Variants in THSD7A observed in about 807,000 individuals in gnomAD.
THSD7A encodes thrombospondin type-1 domain-containing protein 7A.
A neutral mutation model predicts 231.3 loss-of-function variants in THSD7A; 96 were observed. The ratio of observed to expected loss-of-function variants is 0.41; its 90% CI spans 0.35 to 0.49. The LOEUF (loss-of-function observed/expected upper bound fraction) is 0.49. Ranked by LOEUF, THSD7A falls within the 20% of genes least tolerant of loss-of-function variation. THSD7A has a pLI of 0.05. For missense variants in THSD7A, 2,290 were observed against 2,070.2 expected (o/e 1.11, Z -2.06); for synonymous variants, 940 against 743.3 (o/e 1.26, Z -4.30).
chr7:11,729,399 C>G (rs187411470), intron 1 of THSD7A, among the ~76,000 whole-genome samples: 6 of 151,544 alleles, frequency 4.0e-5, no homozygotes, highest in Non-Finnish European at 8.9e-5. Flanking sequence ...TACACAGCAC[C>G]GCAAATAACA....
chr7:11,513,672 G>C (rs1318157651), intron 6 of THSD7A, among the ~76,000 whole-genome samples: 1 of 152,110 alleles, frequency 6.6e-6, no homozygotes, highest in African/African-American at 2.4e-5. Context: ...GAAATAGAAT[G>C]TTTTCTCTTG....
intron 1 of THSD7A, among the ~76,000 whole-genome samples, chr7:11,663,417 T>G (rs1017750757): frequency 2.6e-5 from 4 of 151,270 alleles, no homozygotes; most frequent in Non-Finnish European, 5.9e-5. Context: ...GGTTAATTCA[T>G]CCAAACATCC....
chr7:11,509,821 CAA>C (rs751048602), intron 6 of THSD7A, among the ~76,000 whole-genome samples: 2 of 39,962 alleles, frequency 5.0e-5, no homozygotes, highest in African/African-American at 7.2e-5. Context: ...GAGTCCGTCT[CAA>C]AAAAAAAAAA....
At chr7:11,565,451 G>T (rs1370386835) in intron 4 of THSD7A, among the ~76,000 whole-genome samples, 2 of 152,210 alleles carry the variant, frequency 1.3e-5, no homozygotes, top group Admixed American at 1.3e-4. Context: ...GTCATGCGAA[G>T]AATTGATTGT....
intron 1 of THSD7A, among the ~76,000 whole-genome samples, chr7:11,798,912 G>T (rs1176732345): frequency 6.8e-6 from 1 of 146,984 alleles, no homozygotes; most frequent in Non-Finnish European, 1.5e-5. Flanking sequence ...TTAAAGTTGA[G>T]AATTTAGTTG....
chr7:11,504,832 C>CTTTTTTTTTTTTTTTTTT (rs11379673), intron 6 of THSD7A, among the ~76,000 whole-genome samples: 1 of 150,112 alleles, frequency 6.7e-6, no homozygotes, highest in Non-Finnish European at 1.5e-5. Context: ...CAACTAACTC[C>CTTTTTTTTTTTTTTTTTT]TTTTTTTTTA....
chr7:11,510,610 C>A (rs1583877080), intron 6 of THSD7A, among the ~76,000 whole-genome samples: 2 of 152,262 alleles, frequency 1.3e-5, no homozygotes, highest in African/African-American at 4.8e-5. Context: ...GGATGCAAGG[C>A]TGGTTCAACA....
At position 11,756,266 on chromosome 7, in the gene THSD7A, G is replaced by T. The variant is rs113882091; in HGVS notation, c.190+75491C>A. On this transcript the variant is annotated intron_variant, in intron 1 of 27. Transcript: ENST00000423059. ...TGAGGAGAGCAACGAGGTAATAAAT[G>T]TTGTGCATACAAAGATGACCAAACA... is the stretch of plus-strand genomic sequence containing the variant. 3.0e-3 allele frequency among the ~76,000 whole-genome samples: 464 copies of T among 152,190 alleles called. 1 individual carries two copies. Among genetic ancestry groups the T allele is most frequent in the African/African-American group, 9.9e-3 (413 of 41,556 alleles).
chr7:11,595,512 C>A (rs562774357), intron 2 of THSD7A, among the ~76,000 whole-genome samples: 31 of 152,152 alleles, frequency 2.0e-4, no homozygotes, highest in Middle Eastern at 3.4e-3. Context: ...AAAAGATGGC[C>A]CATTGTGAGC....
chr7:11,822,813 A>G (rs1427248578), intron 1 of THSD7A, among the ~76,000 whole-genome samples: 1 of 152,006 alleles, frequency 6.6e-6, no homozygotes, highest in East Asian at 1.9e-4. Context: ...ATATTCTCAT[A>G]AACAGTATAT....
chr7:11,658,410 A>G (rs1782789005), intron 1 of THSD7A, among the ~76,000 whole-genome samples: 1 of 151,728 alleles, frequency 6.6e-6, no homozygotes, highest in Admixed American at 6.6e-5. Context: ...GAAGTGATGG[A>G]ATACAAATTA....
chr7:11,747,106 T>C (rs1782333982), intron 1 of THSD7A, among the ~76,000 whole-genome samples: 1 of 152,086 alleles, frequency 6.6e-6, no homozygotes, highest in African/African-American at 2.4e-5. Flanking sequence ...TTACTAGCTT[T>C]CATATTTTAA....
At chr7:11,815,913 T>C (rs534259063) in intron 1 of THSD7A, among the ~76,000 whole-genome samples, 2 of 152,248 alleles carry the variant, frequency 1.3e-5, no homozygotes, top group South Asian at 2.1e-4. Flanking sequence ...CCAAACTTCT[T>C]TCTATCCCTG....
chr7:11,713,965 G>T (rs1453392407), intron 1 of THSD7A, among the ~76,000 whole-genome samples: 4 of 150,918 alleles, frequency 2.7e-5, no homozygotes, highest in Non-Finnish European at 5.9e-5. Context: ...AGAATAGAAA[G>T]GTAAAGAAAG....
chr7:11,667,120 G>A (rs1232109964), intron 1 of THSD7A, among the ~76,000 whole-genome samples: 1 of 151,994 alleles, frequency 6.6e-6, no homozygotes, highest in Non-Finnish European at 1.5e-5. Flanking sequence ...AAGTTCGTTA[G>A]TGGTGATGAT....
chr7:11,542,969 C>T lies in THSD7A; in HGVS notation c.1602G>A (p.Gly534=), dbSNP rs771505803. 16 of 1,609,998 alleles carry T rather than the reference C, an allele frequency of 9.9e-6. No homozygotes were observed. The highest frequency in any genetic ancestry group is 1.7e-4 in the Middle Eastern group (1 of 6,038). Residue 534 remains glycine, a synonymous_variant, in exon 5 of 28, where the codon GGG becomes GGA. Transcript: ENST00000423059. ...CTYENCNDQQ[G]KKGFKLRKRR... ...CATGGTCACGTTACCTACCTTTTTT[C>T]CCTTGCTGATCATTACAGTTTTCAT...
At position 11,581,310 on chromosome 7, in the gene THSD7A, C is replaced by A. The variant is rs143071142; in HGVS notation, c.1453+9150G>T. ...TTAGAGATATTCTATTGTTTGTAGT[C>A]TATTAAAATATTCCTGTGTCACAAG... On this transcript the variant is annotated intron_variant, in intron 4 of 27. Transcript: ENST00000423059. Among the ~76,000 whole-genome samples the A allele has an allele frequency of 5.1e-3, 776 of 152,048 alleles. 8 individuals carry two copies. The highest frequency in any genetic ancestry group is 0.018 in the African/African-American group (737 of 41,484).
intron 1 of THSD7A, among the ~76,000 whole-genome samples, chr7:11,823,863 G>A (rs1027395662): frequency 2.0e-5 from 3 of 151,682 alleles, no homozygotes; most frequent in Non-Finnish European, 4.4e-5. Flanking sequence ...AACCACCTGG[G>A]TATTTCATTT....
chr7:11,730,072 A>G (rs1417279172), intron 1 of THSD7A, among the ~76,000 whole-genome samples: 1 of 151,758 alleles, frequency 6.6e-6, no homozygotes, highest in Non-Finnish European at 1.5e-5. Flanking sequence ...TAACGATTTA[A>G]CAAGAATGGA....
Sources: gnomAD v4.1 joint callset for allele counts (sites outside exome capture counted in the v4.1 genomes callset) on GRCh38, gnomAD v4.1.1 for gene constraint, MANE v1.5 for transcripts, NCBI Gene and HGNC (gene_info 2026-07-23, HGNC 2026-07-21) for gene names.